The following HEATR1 variants were observed in gnomAD, a reference collection of about 807,000 sequenced individuals.
The protein encoded by HEATR1 is HEAT repeat containing 1.
A neutral mutation model predicts 248.2 loss-of-function variants in HEATR1; 77 were observed. The observed-to-expected ratio is 0.31, with a 90% CI of 0.26 to 0.37. The LOEUF (loss-of-function observed/expected upper bound fraction) is 0.37. Among genes scored for constraint, HEATR1 ranks in the 10% least tolerant of loss-of-function variants. The probability of loss-of-function intolerance (pLI) is 1.00; values close to 1 mark genes in which losing one functional copy is unlikely to be tolerated. For synonymous variants in HEATR1, 897 were observed against 923.1 expected (o/e 0.97, Z 0.51); for missense variants, 2,420 against 2,504.9 (o/e 0.97, Z 0.72).
intron 20 of HEATR1, 22 bp from the exon 21 acceptor site, chr1:236,576,971 A>T: frequency 6.5e-7 from 1 of 1,542,722 alleles, no homozygotes; most frequent in Non-Finnish European, 8.7e-7. Flanking sequence ...GGAAAAAAAA[A>T]TTTAAGAAAC....
At chr1:236,601,301 C>T (rs1664318527) in intron 3 of HEATR1, among the ~76,000 whole-genome samples, 1 of 151,002 alleles carries the variant, frequency 6.6e-6, no homozygotes, top group African/African-American at 2.4e-5. Context: ...GGCTGGAGTG[C>T]AGTGGCGTGA....
intron 9 of HEATR1, among the ~76,000 whole-genome samples, chr1:236,593,808 T>G (rs1464264588): frequency 6.6e-6 from 1 of 152,194 alleles, no homozygotes; most frequent in Non-Finnish European, 1.5e-5. Flanking sequence ...CATTTTCATC[T>G]ATAAGCACTA....
chr1:236,586,913 G>A (rs912979073), intron 14 of HEATR1, among the ~76,000 whole-genome samples: 2 of 151,968 alleles, frequency 1.3e-5, no homozygotes, highest in Non-Finnish European at 1.5e-5. Context: ...ACAAAAACAC[G>A]TAAGACACAC....
In HEATR1 at chr1:236,576,712, G is replaced by A. The variant is rs1663569411; in HGVS notation, c.2925+68C>T. 3.5e-6 allele frequency: 5 copies of A among 1,416,644 alleles called. No homozygotes were observed. In the East Asian group the frequency reaches 9.3e-5, roughly 26 times the overall value. 87.8% of individuals were successfully genotyped at this position (1,416,644 alleles called of 1,614,324 possible). A position where few individuals can be genotyped will look rare whatever the true frequency, so the allele number is the denominator to read the frequency against. The stretch of plus-strand genomic sequence containing the variant: ...AAATCCCTACACAGTGAAATGTCGA[G>A]AATGGAGAAAATTGCTCCAGTACAC... On this transcript the variant is annotated intron_variant, in intron 21 of 44. Coordinates refer to ENST00000366582, the MANE Select transcript of HEATR1 (RefSeq NM_018072.6).
chr1:236,557,743 A>G (rs943269142), intron 36 of HEATR1, among the ~76,000 whole-genome samples: 6 of 152,310 alleles, frequency 3.9e-5, no homozygotes, highest in South Asian at 2.1e-4. Context: ...GGAGCTTCTA[A>G]CTTCCAAATT....
chr1:236,571,722 TA>T, intron 26 of HEATR1, 36 bp from the exon 27 acceptor site: 1 of 1,453,940 alleles, frequency 6.9e-7, no homozygotes, highest in East Asian at 2.3e-5. Context: ...ATGGGAAATG[TA>T]AAAGTTGTAC....
intron 12 of HEATR1, among the ~76,000 whole-genome samples, chr1:236,590,378 C>CACCAAACT (rs1572050611): frequency 6.6e-6 from 1 of 152,220 alleles, no homozygotes; most frequent in East Asian, 1.9e-4. Flanking sequence ...AAGCGTGTGC[C>CACCAAACT]ACCAAACTTG....
intron 28 of HEATR1, among the ~76,000 whole-genome samples, chr1:236,570,364 A>G (rs970139026): frequency 6.6e-6 from 1 of 152,194 alleles, no homozygotes; most frequent in African/African-American, 2.4e-5. Flanking sequence ...ATATTGTATG[A>G]CTCAATTTAT....
At chr1:236,560,908 T>C (rs796193418) in intron 33 of HEATR1, among the ~76,000 whole-genome samples, 3 of 152,300 alleles carry the variant, frequency 2.0e-5, no homozygotes, top group African/African-American at 4.8e-5. Context: ...TTGGGATAAT[T>C]AGGGAGACTG....
intron 42 of HEATR1, 71 bp downstream of exon 42, chr1:236,554,527 C>A: frequency 7.5e-7 from 1 of 1,340,240 alleles, no homozygotes; most frequent in Admixed American, 2.5e-5. Flanking sequence ...GTCATTTGAG[C>A]AGATCTAAAA....
chr1:236,586,179 T>C, intron 15 of HEATR1, 62 bp downstream of exon 15: 1 of 1,396,926 alleles, frequency 7.2e-7, no homozygotes, highest in Non-Finnish European at 9.7e-7. Context: ...AATTTTAAAT[T>C]TTCCTTGTTT....
chr1:236,597,803 GT>G, intron 5 of HEATR1, 74 bp downstream of exon 5: 1 of 894,016 alleles, frequency 1.1e-6, no homozygotes, highest in Non-Finnish European at 1.8e-6. Flanking sequence ...ATTAGGGAAT[GT>G]TTTAGTATGT....
Position 236,582,994 on chromosome 1 carries a change from T to C in HEATR1, c.2425+19A>G. Reference sequence around the variant, plus strand: ...TTTGCAGAGTATCACATTTAAAAGATTCACAGCTTGTATCTTACCTTTAGG... The same window carrying C: ...TTTGCAGAGTATCACATTTAAAAGACTCACAGCTTGTATCTTACCTTTAGG... On this transcript the variant is annotated intron_variant, in intron 18 of 44. Coordinates refer to ENST00000366582, the MANE Select transcript of HEATR1 (RefSeq NM_018072.6). 6.2e-7 allele frequency: 1 copy of C among 1,612,178 alleles called. No individual in the cohort carries two copies. The highest frequency in any genetic ancestry group is 8.5e-7 in the Non-Finnish European group (1 of 1,178,836).
chr1:236,561,170 CTA>C, intron 33 of HEATR1, 53 bp downstream of exon 33: 3 of 1,245,842 alleles, frequency 2.4e-6, no homozygotes, highest in Non-Finnish European at 3.5e-6. Context: ...TCCAGGTTTT[CTA>C]TAAGTTTGAA....
In HEATR1 at chr1:236,556,080, A is replaced by C; in HGVS notation, c.5514+20T>G. ...CCACCTCTCCCTTCTCCAAAGTCTT[A>C]ATACCCAATAAGATCTAACCTTCCA... On this transcript the variant is annotated intron_variant, in intron 38 of 44. Coordinates refer to ENST00000366582, the MANE Select transcript of HEATR1 (RefSeq NM_018072.6). 1.2e-6 allele frequency: 2 copies of C among 1,614,098 alleles called. No individual in the cohort carries two copies.
At chr1:236,572,863 A>T (rs751298209) in intron 24 of HEATR1, 35 bp from the exon 25 acceptor site, 5 of 1,540,814 alleles carry the variant, frequency 3.2e-6, no homozygotes, top group Non-Finnish European at 2.7e-6. Context: ...TGATGATATA[A>T]TCCATTGGGA....
At chr1:236,553,773 A>C (rs771050963) in intron 42 of HEATR1, 34 bp from the exon 43 acceptor site, 11 of 1,572,362 alleles carry the variant, frequency 7.0e-6, no homozygotes, top group Non-Finnish European at 8.6e-6. Context: ...TTGAACAACA[A>C]GTCTCATTTC....
rs750286769 is a variant in HEATR1, at chr1:236,572,563, T to G, written c.3564-9A>C. On this transcript the variant is annotated splice_polypyrimidine_tract_variant and intron_variant, in intron 25 of 44. Coordinates refer to ENST00000366582, the MANE Select transcript of HEATR1 (RefSeq NM_018072.6). The stretch of plus-strand genomic sequence containing the variant: ...CTAGATCTTGTGATTTTCTGGAAAA[T>G]GGAGAAGACAAAACGTTGGAAAAGC... The G allele has an allele frequency of 6.8e-6, 11 of 1,613,484 alleles. No individual in the cohort carries two copies. In the South Asian group the frequency reaches 1.2e-4, roughly 18 times the overall value.
rs775355124 is a variant in HEATR1, at chr1:236,555,474, T to TA, written c.5755-11dup. 9.3e-6 allele frequency: 15 copies of TA among 1,614,198 alleles called. No individual in the cohort carries two copies. In the East Asian group the frequency reaches 3.1e-4, roughly 34 times the overall value. The stretch of plus-strand genomic sequence containing the variant: ...TAGCCCAATCAAACAGCTGAAAGGA[T>TA]AAGACAGTATTAGTTTCTTCGACAT... On this transcript the variant is annotated splice_polypyrimidine_tract_variant and intron_variant, in intron 40 of 44. Coordinates refer to ENST00000366582, the MANE Select transcript of HEATR1 (RefSeq NM_018072.6).
Sources: allele counts gnomAD v4.1 joint callset (sites outside exome capture counted in the v4.1 genomes callset), GRCh38; gene constraint gnomAD v4.1.1; transcripts MANE v1.5; gene names NCBI Gene and HGNC (gene_info 2026-07-23, HGNC 2026-07-21).